The following CLVS1 variants were observed in gnomAD, a reference collection of about 807,000 sequenced individuals.
CLVS1 encodes clavesin-1.
In CLVS1, 10 loss-of-function variants were observed where a neutral mutation model predicts 33.1. That is an observed-to-expected ratio of 0.30 (90% confidence interval 0.19 to 0.51). The LOEUF (loss-of-function observed/expected upper bound fraction) is 0.51, where lower values mean the gene tolerates loss of function less well. CLVS1 is among the 20% of genes least tolerant of loss of function. The pLI, the probability that CLVS1 is intolerant of heterozygous loss-of-function variation, is 0.97. For synonymous variants in CLVS1, 163 were observed against 166.1 expected, an observed-to-expected ratio of 0.98 and a Z score of 0.14; for missense variants, 343 against 433.4, an observed-to-expected ratio of 0.79 and a Z score of 1.85.
chr8:61,011,607 C>T, the CLVS1 span, among the ~76,000 whole-genome samples: 1 of 152,054 alleles, frequency 6.6e-6, no homozygotes, highest in African/African-American at 2.4e-5. Flanking sequence ...TGCCACCACA[C>T]TTGGCTAATT....
chr8:61,431,326 G>A (rs1330094547), intron 3 of CLVS1, among the ~76,000 whole-genome samples: 1 of 152,190 alleles, frequency 6.6e-6, no homozygotes, highest in African/African-American at 2.4e-5. Context: ...TTTCTCAAAG[G>A]CATTAATTAA....
chr8:61,276,055 G>T (rs1295693889), intron 2 of CLVS1, among the ~76,000 whole-genome samples: 1 of 152,138 alleles, frequency 6.6e-6, no homozygotes, highest in African/African-American at 2.4e-5. Context: ...TGAAATTCTG[G>T]ATTTCTTGCA....
chr8:61,189,135 T>A (rs1807406620), intron 2 of CLVS1, among the ~76,000 whole-genome samples: 1 of 152,136 alleles, frequency 6.6e-6, no homozygotes, highest in African/African-American at 2.4e-5. Context: ...AAGGTTGGGT[T>A]ACCCACAAAG....
At chr8:61,120,962 C>A (rs1370233657) in intron 1 of CLVS1, among the ~76,000 whole-genome samples, 3 of 149,690 alleles carry the variant, frequency 2.0e-5, no homozygotes, top group East Asian at 2.0e-4. Flanking sequence ...GCGGGTGCCC[C>A]TCCCCCAGCC....
chr8:61,096,009 A>T lies in CLVS1; in HGVS notation c.-242-35761A>T, dbSNP rs562319832. On this transcript the variant is annotated intron_variant, in intron 1 of 2. Transcript: ENST00000522621. ...GAAACAGAGAAGAGTCAATGTCTGC[A>T]GGAGGTAAGGAAATGTGATCGTGCT... is the stretch of plus-strand genomic sequence containing the variant. Among the ~76,000 whole-genome samples the T allele has an allele frequency of 9.8e-5, 15 of 152,364 alleles. No individual in the cohort carries two copies. In the South Asian group the frequency reaches 3.1e-3, roughly 32 times the overall value.
chr8:61,143,463 G>A (rs910086615), intron 2 of CLVS1, among the ~76,000 whole-genome samples: 2 of 152,286 alleles, frequency 1.3e-5, no homozygotes, highest in Non-Finnish European at 1.5e-5. Flanking sequence ...GAGCAAGCAT[G>A]TACAGCTACT....
At chr8:61,173,646 C>T (rs1057468813) in intron 2 of CLVS1, among the ~76,000 whole-genome samples, 2 of 152,156 alleles carry the variant, frequency 1.3e-5, no homozygotes, top group African/African-American at 4.8e-5. Flanking sequence ...ATTATCACAG[C>T]ATATTGCCTA....
At chr8:61,104,289 G>T (rs1041493713) in intron 1 of CLVS1, among the ~76,000 whole-genome samples, 12 of 152,168 alleles carry the variant, frequency 7.9e-5, no homozygotes, top group Non-Finnish European at 1.6e-4. Flanking sequence ...TTCATCATTT[G>T]GTCAACTTCA....
the CLVS1 span, among the ~76,000 whole-genome samples, chr8:60,981,368 G>A: frequency 2.0e-5 from 3 of 152,204 alleles, no homozygotes; most frequent in African/African-American, 7.2e-5. Context: ...TCAAGATGGT[G>A]CATTTCACAT....
the CLVS1 span, among the ~76,000 whole-genome samples, chr8:61,035,017 G>A: frequency 6.6e-6 from 1 of 152,180 alleles, no homozygotes; most frequent in East Asian, 1.9e-4. Flanking sequence ...AAAACATTGA[G>A]TATATTACTT....
chr8:61,007,906 G>C, the CLVS1 span, among the ~76,000 whole-genome samples: 4 of 152,288 alleles, frequency 2.6e-5, no homozygotes, highest in East Asian at 5.8e-4. Flanking sequence ...GCTCTCAGCT[G>C]GGGAGGGCTT....
At chr8:60,972,494 T>C in the CLVS1 span, among the ~76,000 whole-genome samples, 1 of 152,198 alleles carries the variant, frequency 6.6e-6, no homozygotes, top group South Asian at 2.1e-4. Flanking sequence ...TCCCTTAAGA[T>C]ATAGGTATAG....
chr8:61,376,887 G>T, intron 3 of CLVS1, 108 bp downstream of exon 3: 1 of 1,030,368 alleles, frequency 9.7e-7, no homozygotes. Flanking sequence ...AAGGAAACTT[G>T]GATTAAATTC....
chr8:61,043,992 T>C, the CLVS1 span, among the ~76,000 whole-genome samples: 1 of 152,342 alleles, frequency 6.6e-6, no homozygotes, highest in South Asian at 2.1e-4. Flanking sequence ...AATTGTTAGC[T>C]CTTTTTGGGT....
At chr8:61,205,915 T>C (rs1807829325) in intron 2 of CLVS1, among the ~76,000 whole-genome samples, 1 of 152,226 alleles carries the variant, frequency 6.6e-6, no homozygotes, top group Non-Finnish European at 1.5e-5. Context: ...GATGTAATTT[T>C]ATACTTTTTT....
At chr8:61,448,967 T>G (rs1816856901) in intron 3 of CLVS1, among the ~76,000 whole-genome samples, 1 of 152,200 alleles carries the variant, frequency 6.6e-6, no homozygotes, top group African/African-American at 2.4e-5. Context: ...AAGAGTGATT[T>G]TTTAAAATCT....
intron 2 of CLVS1, among the ~76,000 whole-genome samples, chr8:61,169,614 G>A (rs1270327735): frequency 3.3e-5 from 5 of 152,122 alleles, no homozygotes; most frequent in African/African-American, 7.2e-5. Context: ...CCACTGCCCC[G>A]AAGAACTCAG....
At chr8:61,304,761 CTG>C (rs376880559) in intron 2 of CLVS1, among the ~76,000 whole-genome samples, 86 of 152,242 alleles carry the variant, frequency 5.6e-4, no homozygotes, top group African/African-American at 1.9e-3. Context: ...AGAAGAAAAA[CTG>C]AGCATAAAGG....
intron 2 of CLVS1, among the ~76,000 whole-genome samples, chr8:61,238,325 C>T (rs1186266980): frequency 6.6e-6 from 1 of 151,984 alleles, no homozygotes; most frequent in African/African-American, 2.4e-5. Context: ...CCCCTTCCCT[C>T]TCTTTCCCTC....
Sources: gnomAD v4.1 joint callset for allele counts (sites outside exome capture counted in the v4.1 genomes callset) on GRCh38, gnomAD v4.1.1 for gene constraint, MANE v1.5 for transcripts, NCBI Gene and HGNC (gene_info 2026-07-23, HGNC 2026-07-21) for gene names.